Variants in MSR1 observed in about 807,000 individuals in gnomAD.
MSR1 encodes the protein macrophage scavenger receptor types I and II.
MSR1 carries 53 observed loss-of-function variants against 47.2 expected under a neutral mutation model. The ratio of observed to expected loss-of-function variants is 1.12; its 90% CI spans 0.90 to 1.41. The LOEUF is 1.41. MSR1 is among the 40% of genes most tolerant of loss of function. MSR1 has a pLI of 0.00. For synonymous variants in MSR1, 239 were observed against 185.6 expected (o/e 1.29, Z -2.34); for missense variants, 786 against 546.9 (o/e 1.44, Z -4.36).
chr8:16,153,320 A>G (rs1439299656), intron 6 of MSR1, among the ~76,000 whole-genome samples: 1 of 152,052 alleles, frequency 6.6e-6, no homozygotes, highest in Non-Finnish European at 1.5e-5. Flanking sequence ...ATGCAGCAAG[A>G]CATCCAGAAA....
chr8:16,118,285 A>T (rs1799922871), intron 9 of MSR1, among the ~76,000 whole-genome samples: 1 of 152,210 alleles, frequency 6.6e-6, no homozygotes, highest in South Asian at 2.1e-4. Context: ...AAGAGCATGG[A>T]TAAGACTCGT....
chr8:16,172,171 A>C (rs1585185298), intron 3 of MSR1, among the ~76,000 whole-genome samples: 1 of 152,290 alleles, frequency 6.6e-6, no homozygotes, highest in South Asian at 2.1e-4. Flanking sequence ...TGATTGCTCA[A>C]CCATATACTT....
At chr8:16,122,018 G>C (rs1163245420) in intron 8 of MSR1, among the ~76,000 whole-genome samples, 2 of 151,912 alleles carry the variant, frequency 1.3e-5, no homozygotes, top group Non-Finnish European at 2.9e-5. Flanking sequence ...TAATGAAATT[G>C]AGTGACCTGA....
rs1371767127 is a variant in MSR1 at position 16,175,089 on chromosome 8, ATG to A, written c.217+96_217+97del. 13 of 934,842 alleles carry A rather than the reference ATG, an allele frequency of 1.4e-5. No homozygotes were observed. In the African/African-American group the frequency reaches 1.6e-4, roughly 12 times the overall value. The allele number at this position is 934,842 out of a possible 1,614,324, so 57.9% of individuals were successfully genotyped here. On this transcript the variant is annotated intron_variant, in intron 3 of 9. Coordinates refer to ENST00000262101, the MANE Select transcript of MSR1 (RefSeq NM_138715.3). Reference sequence around the variant, plus strand: ...TTGTAATGCAGTATTTTCTTTATGAATGTACCATATACAAAAGACTGAATGCT... The same window carrying A: ...TTGTAATGCAGTATTTTCTTTATGAATACCATATACAAAAGACTGAATGCT...
intron 8 of MSR1, among the ~76,000 whole-genome samples, chr8:16,135,599 G>C (rs1307878679): frequency 6.6e-6 from 1 of 152,114 alleles, no homozygotes; most frequent in Non-Finnish European, 1.5e-5. Context: ...CATGGATCCA[G>C]GATTAATTTT....
At chr8:16,137,480 G>C (rs1185326295) in intron 8 of MSR1, among the ~76,000 whole-genome samples, 1 of 151,382 alleles carries the variant, frequency 6.6e-6, no homozygotes, top group Non-Finnish European at 1.5e-5. Flanking sequence ...CTTTCTCTTT[G>C]CATACCCTCC....
chr8:16,166,678 T>A (rs1801321160), intron 4 of MSR1, among the ~76,000 whole-genome samples: 1 of 152,122 alleles, frequency 6.6e-6, no homozygotes, highest in Non-Finnish European at 1.5e-5. Flanking sequence ...TTCACCTCTA[T>A]GGATGATGAT....
rs1801393672 is a variant in MSR1 at position 16,168,712 on chromosome 8, G to A, written c.376C>T (p.Gln126Ter). ...TTGGCTTCCATGTCTAAAATATGCT[G>A]GATTCTCTTCTCCATGTTGCTCATG... ...EHMSNMEKRI[Q>*]HILDMEANLM... Residue 126 changes from glutamine (Q) to a stop codon, truncating the protein, a stop_gained, in exon 4 of 10, where the codon CAG becomes TAG. Transcript: ENST00000262101. LOFTEE classifies it high-confidence loss of function. The A allele has an allele frequency of 2.5e-6, 4 of 1,614,038 alleles. No individual in the cohort carries two copies. The highest frequency in any genetic ancestry group is 1.3e-5 in the African/African-American group (1 of 75,000).
chr8:16,140,748 G>A, intron 8 of MSR1: 2 of 1,425,984 alleles, frequency 1.4e-6, no homozygotes, highest in South Asian at 1.5e-5. Flanking sequence ...TGTCCAGGCT[G>A]GGGGTGATAG....
chr8:16,123,523 CT>C (rs33939924), intron 8 of MSR1, among the ~76,000 whole-genome samples: 119,464 of 148,762 alleles, frequency 0.8, 48,332 homozygotes, highest in Non-Finnish European at 0.87. Flanking sequence ...TCAGATAGGG[CT>C]TTTTTTTTTT....
chr8:16,179,121 T>C (rs1353055981), intron 1 of MSR1, among the ~76,000 whole-genome samples: 1 of 152,190 alleles, frequency 6.6e-6, no homozygotes, highest in Admixed American at 6.5e-5. Context: ...AAAAGAGGTA[T>C]CTCTTCTTTC....
chr8:16,138,796 G>A (rs1800454097), intron 8 of MSR1, among the ~76,000 whole-genome samples: 1 of 152,160 alleles, frequency 6.6e-6, no homozygotes. Context: ...TTGCTAGCCT[G>A]CTAATAGTCA....
chr8:16,164,783 G>C (rs1801258764), intron 4 of MSR1, among the ~76,000 whole-genome samples: 1 of 151,888 alleles, frequency 6.6e-6, no homozygotes, highest in Admixed American at 6.6e-5. Context: ...CTTTCAGTTT[G>C]CATTGCCTCT....
At chr8:16,115,118 G>T (rs1215321493) in intron 9 of MSR1, among the ~76,000 whole-genome samples, 5 of 152,222 alleles carry the variant, frequency 3.3e-5, no homozygotes, top group African/African-American at 1.2e-4. Context: ...GGCAGAGGTT[G>T]CGGTGAGCCG....
At chr8:16,143,464 A>C (rs903768032) in intron 8 of MSR1, 94 bp downstream of exon 8, 3 of 1,046,894 alleles carry the variant, frequency 2.9e-6, no homozygotes, top group Non-Finnish European at 4.5e-6. Context: ...ATCTGTGCTG[A>C]AGTTGCGAAC....
chr8:16,141,692 G>A (rs1220093229), intron 8 of MSR1, among the ~76,000 whole-genome samples: 1 of 152,030 alleles, frequency 6.6e-6, no homozygotes, highest in Non-Finnish European at 1.5e-5. Context: ...GAAAGCATGT[G>A]CATAAACTCC....
At chr8:16,180,485 AGGT>A (rs1425039271) in intron 1 of MSR1, among the ~76,000 whole-genome samples, 2 of 152,178 alleles carry the variant, frequency 1.3e-5, no homozygotes, top group African/African-American at 4.8e-5. Flanking sequence ...TTTCCATAAA[AGGT>A]GATTATGACT....
intron 1 of MSR1, among the ~76,000 whole-genome samples, chr8:16,181,715 G>A (rs1801837732): frequency 6.6e-6 from 1 of 151,744 alleles, no homozygotes; most frequent in Admixed American, 6.6e-5. Flanking sequence ...GGGTTGATGG[G>A]TGCACCAAAC....
intron 7 of MSR1, 81 bp downstream of exon 7, chr8:16,150,138 GTGTATATATATA>G (rs1800809755): frequency 3.4e-5 from 6 of 176,880 alleles, no homozygotes; most frequent in East Asian, 1.7e-4. Context: ...ATGTGTGTGT[GTGTATATATATA>G]TATATATATA....
Sources: gnomAD v4.1 joint callset for allele counts (sites outside exome capture counted in the v4.1 genomes callset) on GRCh38, gnomAD v4.1.1 for gene constraint, MANE v1.5 for transcripts, NCBI Gene and HGNC (gene_info 2026-07-23, HGNC 2026-07-21) for gene names.